Variants in URI1 observed in about 807,000 individuals in gnomAD.
URI1 encodes the protein unconventional prefoldin RPB5 interactor 1.
A neutral mutation model predicts 60.2 loss-of-function variants in URI1; 39 were observed. That is an observed-to-expected ratio of 0.65 (90% CI 0.50 to 0.85). The LOEUF (loss-of-function observed/expected upper bound fraction) is 0.85. URI1 is among the 40% of genes least tolerant of loss of function. The pLI is 0.00. For missense variants in URI1, 691 were observed against 665.9 expected (o/e 1.04, Z -0.42); for synonymous variants, 251 against 236.8 (o/e 1.06, Z -0.55).
At chr19:29,990,431 C>T (rs948258582) in intron 4 of URI1, among the ~76,000 whole-genome samples, 1 of 152,126 alleles carries the variant, frequency 6.6e-6, no homozygotes, top group Non-Finnish European at 1.5e-5. Flanking sequence ...TGTATGTCCA[C>T]AAATACTTGT....
chr19:30,011,023 GTTTA>G (rs1220498494), intron 8 of URI1, 67 bp from the exon 9 acceptor site: 28 of 1,516,046 alleles, frequency 1.8e-5, no homozygotes, highest in African/African-American at 2.8e-5. Context: ...TAGTTATAGA[GTTTA>G]TTTGTTTTGG....
At chr19:29,957,730 A>T (rs998130660) in intron 1 of URI1, among the ~76,000 whole-genome samples, 4 of 152,158 alleles carry the variant, frequency 2.6e-5, no homozygotes, top group African/African-American at 9.7e-5. Context: ...GAGAATTAAG[A>T]TGTTTACAAT....
intron 1 of URI1, among the ~76,000 whole-genome samples, chr19:29,958,789 A>G (rs1187690718): frequency 1.3e-5 from 2 of 151,934 alleles, no homozygotes; most frequent in East Asian, 3.9e-4. Flanking sequence ...GTGAAACCCC[A>G]TCTCTACAAA....
chr19:29,949,383 A>G (rs1254217517), intron 1 of URI1, among the ~76,000 whole-genome samples: 1 of 150,262 alleles, frequency 6.7e-6, no homozygotes, highest in East Asian at 2.0e-4. Flanking sequence ...CTCACTTCCT[A>G]GACGGGATGG....
chr19:29,956,787 C>G lies in URI1; in HGVS notation c.117+14123C>G, dbSNP rs921134116. On this transcript the variant is annotated intron_variant, in intron 1 of 10. Coordinates refer to ENST00000392271, the MANE Select transcript of URI1 (RefSeq NM_003796.3). ...TGACTACAAATAGTCCGAACGGTAG[C>G]CAGTTCCTTTCTGTTACCCGACCAT... 9 of 1,600,166 alleles carry G rather than the reference C, an allele frequency of 5.6e-6. No homozygotes were observed. The African/African-American group carries it at 8.0e-5, about 14-fold the overall frequency.
At chr19:29,933,415 T>C (rs1302163044) in intron 1 of URI1, among the ~76,000 whole-genome samples, 1 of 152,244 alleles carries the variant, frequency 6.6e-6, no homozygotes, top group Non-Finnish European at 1.5e-5. Flanking sequence ...CAATTGTTTA[T>C]AGTATTATCC....
chr19:29,979,120 A>C (rs1347907794), intron 2 of URI1, among the ~76,000 whole-genome samples: 1 of 152,214 alleles, frequency 6.6e-6, no homozygotes, highest in African/African-American at 2.4e-5. Context: ...GAAAGTGTAA[A>C]GTAGCAAAAC....
intron 4 of URI1, among the ~76,000 whole-genome samples, chr19:29,994,546 T>C (rs1460098788): frequency 1.3e-5 from 2 of 152,202 alleles, no homozygotes; most frequent in Non-Finnish European, 2.9e-5. Flanking sequence ...TCTGGATTAT[T>C]TCACATAGCA....
intron 1 of URI1, among the ~76,000 whole-genome samples, chr19:29,964,459 GTTTTGTTT>G (rs2055365710): frequency 7.5e-6 from 1 of 133,350 alleles, no homozygotes; most frequent in African/African-American, 2.8e-5. Flanking sequence ...TTTGTTTTTT[GTTTTGTTT>G]TTTTTTTTTT....
chr19:30,015,292 CTCTTA>C lies in URI1; in HGVS notation c.*227_*231del, dbSNP rs2056072663. Reference sequence around the variant, plus strand: ...GTGAATTCTCTGAATACTGTCAACACTCTTATCTAAGTTTGCCTTTATGATGCAGT... The same window carrying C: ...GTGAATTCTCTGAATACTGTCAACACTCTAAGTTTGCCTTTATGATGCAGT... On this transcript the variant is annotated 3_prime_UTR_variant, in exon 11 of 11. Transcript: ENST00000392271. The C allele has an allele frequency of 4.2e-6, 6 of 1,418,062 alleles. No individual in the cohort carries two copies. The highest frequency in any genetic ancestry group is 3.0e-5 in the Admixed American group (1 of 33,624). The allele number at this position is 1,418,062 out of a possible 1,614,324, so 87.8% of individuals were successfully genotyped here. A position where few individuals can be genotyped will look rare whatever the true frequency, so the allele number is the denominator to read the frequency against.
At position 29,944,156 on chromosome 19, in the gene URI1, TA is replaced by T. The variant is rs1216813510; in HGVS notation, c.117+1493del. 1.3e-4 allele frequency among the ~76,000 whole-genome samples: 7 copies of T among 53,456 alleles called. 1 individual carries two copies. Among genetic ancestry groups the T allele is most frequent in the African/African-American group, 8.2e-4 (7 of 8,544 alleles). 35.1% of individuals were successfully genotyped at this position (53,456 alleles called of 152,430 possible). On this transcript the variant is annotated intron_variant, in intron 1 of 10. Transcript: ENST00000392271. Reference sequence around the variant, plus strand: ...CCTGTCATTCATATATATATATATATATATATATATATATATATATATATAT... The same window carrying T: ...CCTGTCATTCATATATATATATATATTATATATATATATATATATATATAT...
At chr19:29,981,806 A>G (rs895808160) in intron 2 of URI1, among the ~76,000 whole-genome samples, 2 of 152,152 alleles carry the variant, frequency 1.3e-5, no homozygotes, top group African/African-American at 2.4e-5. Context: ...ATTTTAAGCA[A>G]TTACCATTTT....
At chr19:29,993,590 T>C (rs949996633) in intron 4 of URI1, among the ~76,000 whole-genome samples, 2 of 152,160 alleles carry the variant, frequency 1.3e-5, no homozygotes, top group South Asian at 2.1e-4. Flanking sequence ...TAGCACCGAA[T>C]ACAGCTTTTT....
chr19:29,957,198 AT>A (rs2055259778), intron 1 of URI1, among the ~76,000 whole-genome samples: 1 of 152,040 alleles, frequency 6.6e-6, no homozygotes, highest in Non-Finnish European at 1.5e-5. Context: ...GTTTTCATGA[AT>A]GTATTAATCA....
chr19:29,957,126 T>A (rs1295460371), intron 1 of URI1: 1 of 429,510 alleles, frequency 2.3e-6, no homozygotes, highest in Non-Finnish European at 4.2e-6. Context: ...AGAAATACAA[T>A]TTATGTTTTG....
intron 4 of URI1, among the ~76,000 whole-genome samples, chr19:29,999,108 T>C (rs952279731): frequency 2.0e-5 from 3 of 152,172 alleles, no homozygotes; most frequent in African/African-American, 4.8e-5. Flanking sequence ...CTTTATATTA[T>C]TTGTGTCACA....
At chr19:29,939,480 G>T (rs1286975270), upstream of URI1, among the ~76,000 whole-genome samples, 1 of 151,486 alleles carries the variant, frequency 6.6e-6, no homozygotes, top group Non-Finnish European at 1.5e-5. Flanking sequence ...CATCATGTTG[G>T]CCAGGCTGGT....
intron 2 of URI1, among the ~76,000 whole-genome samples, chr19:29,973,910 C>T (rs1351869248): frequency 6.6e-6 from 1 of 152,030 alleles, no homozygotes; most frequent in African/African-American, 2.4e-5. Flanking sequence ...TCTTTATAAT[C>T]CTTTTTAACT....
intron 1 of URI1, among the ~76,000 whole-genome samples, chr19:29,931,910 T>TTG (rs56181840): frequency 0.13 from 18,308 of 139,966 alleles, 1,210 homozygotes; most frequent in East Asian, 0.2. Flanking sequence ...GCTCTAACAG[T>TTG]TGTGTGTGTG....
Sources: gnomAD v4.1 joint callset for allele counts (sites outside exome capture counted in the v4.1 genomes callset) on GRCh38, gnomAD v4.1.1 for gene constraint, MANE v1.5 for transcripts, NCBI Gene and HGNC (gene_info 2026-07-23, HGNC 2026-07-21) for gene names.